SNCB: variants seen among roughly 807,000 people sequenced by gnomAD.
SNCB encodes beta-synuclein.
Under a neutral mutation model 20.0 loss-of-function variants are expected in SNCB, and 8 were observed. That is an observed-to-expected ratio of 0.40 (90% CI 0.24 to 0.72). The LOEUF (loss-of-function observed/expected upper bound fraction) is 0.72, where lower values mean the gene tolerates loss of function less well. Ranked by LOEUF, SNCB falls within the 30% of genes least tolerant of loss-of-function variation. The probability of loss-of-function intolerance (pLI) is 0.37; values close to 1 mark genes in which losing one functional copy is unlikely to be tolerated. For missense variants in SNCB, 125 were observed against 168.0 expected, an observed-to-expected ratio of 0.74 and a Z score of 1.41; for synonymous variants, 56 against 65.4, an observed-to-expected ratio of 0.86 and a Z score of 0.69.
chr5:176,622,246 A>C (rs141782406), intron 4 of SNCB, among the ~76,000 whole-genome samples: 1 of 152,356 alleles, frequency 6.6e-6, no homozygotes, highest in Non-Finnish European at 1.5e-5. Flanking sequence ...GCGTATGCCA[A>C]GGCCCAGGAG....
intron 1 of SNCB, chr5:176,630,049 ACGCTCCAACG>A (rs916843009): frequency 7.3e-5 from 12 of 165,290 alleles, no homozygotes; most frequent in Admixed American, 2.5e-4. Flanking sequence ...GGACACGCAG[ACGCTCCAACG>A]CGCACGAATA....
intron 4 of SNCB, among the ~76,000 whole-genome samples, chr5:176,625,961 G>A (rs946008933): frequency 4.6e-5 from 7 of 152,156 alleles, no homozygotes; most frequent in African/African-American, 1.7e-4. Flanking sequence ...CCTGCCTGCT[G>A]GCTTGCGTTT....
chr5:176,621,232 A>G lies in SNCB; in HGVS notation c.354T>C (p.Ser118=), dbSNP rs1365169313. ...CCCTCACCTGGGGTGGGTCCTCATA[A>G]CTCTCCCCTTCTGGCTCCATCAGGG... ...IEPLMEPEGE[S]YEDPPQEEYQ... Residue 118 remains serine, a synonymous_variant, in exon 5 of 6, where the codon AGT becomes AGC. Coordinates refer to ENST00000393693, the MANE Select transcript of SNCB (RefSeq NM_003085.5). This position sits in a 1 kb window ranked among gnomAD's most constrained non-coding sequence, Gnocchi z 4.1. 1 of 1,612,750 alleles carries G rather than the reference A, an allele frequency of 6.2e-7. No individual in the cohort carries two copies. Among genetic ancestry groups the G allele is most frequent in the Admixed American group, 1.7e-5 (1 of 59,896 alleles).
chr5:176,627,427 A>C (rs1442316799), intron 2 of SNCB, among the ~76,000 whole-genome samples: 1 of 152,192 alleles, frequency 6.6e-6, no homozygotes, highest in Admixed American at 6.5e-5. Flanking sequence ...GGTGGGTCTA[A>C]AGGTGATGTG....
At position 176,629,800 on chromosome 5, in the gene SNCB, C is replaced by A; in HGVS notation, c.-9-137G>T. 8.2e-7 allele frequency: 1 copy of A among 1,216,486 alleles called. No homozygotes were observed. Among genetic ancestry groups the A allele is most frequent in the Non-Finnish European group, 1.1e-6 (1 of 892,828 alleles). 75.4% of individuals were successfully genotyped at this position (1,216,486 alleles called of 1,614,324 possible). A position where few individuals can be genotyped will look rare whatever the true frequency, so the allele number is the denominator to read the frequency against. ...CCCTGAGCCCCCTCCCGCTTTCCCC[C>A]CATCCCACCCCACTCCCCAGTGCGA... is the stretch of plus-strand genomic sequence containing the variant. On this transcript the variant is annotated intron_variant, in intron 1 of 5. Coordinates refer to ENST00000393693, the MANE Select transcript of SNCB (RefSeq NM_003085.5). The surrounding 1 kb of genome is among the most constrained non-coding windows in gnomAD (Gnocchi z 4.1).
chr5:176,628,194 C>A (rs1353965805), intron 2 of SNCB, among the ~76,000 whole-genome samples: 1 of 152,086 alleles, frequency 6.6e-6, no homozygotes, highest in African/African-American at 2.4e-5. Context: ...GCAGGAAGTG[C>A]CAATCTAAGG....
chr5:176,629,675 G>A lies in SNCB; in HGVS notation c.-9-12C>T. ...TCCATCCTGGCGGCCTGGGGAGGGC[G>A]ATACACGGGCACCGGTGCACTGGCC... On this transcript the variant is annotated splice_polypyrimidine_tract_variant and intron_variant, in intron 1 of 5. Coordinates refer to ENST00000393693, the MANE Select transcript of SNCB (RefSeq NM_003085.5). This position sits in a 1 kb window ranked among gnomAD's most constrained non-coding sequence, Gnocchi z 4.1. 3 of 1,611,590 alleles carry A rather than the reference G, an allele frequency of 1.9e-6. No individual in the cohort carries two copies. Among genetic ancestry groups the A allele is most frequent in the East Asian group, 2.2e-5 (1 of 44,810 alleles).
Position 176,629,062 on chromosome 5 carries a change from G to A in SNCB, c.121+472C>T, listed in dbSNP as rs1020169760. On this transcript the variant is annotated intron_variant, in intron 2 of 5. Transcript: ENST00000393693. The surrounding 1 kb of genome is among the most constrained non-coding windows in gnomAD (Gnocchi z 4.1). ...GGGGCTTCAGAATCTATAAAGCTCC[G>A]TTCAAACCCCAGCTTCAGCATTTAC... Among the ~76,000 whole-genome samples, 3 of 152,136 alleles carry A rather than the reference G, an allele frequency of 2.0e-5. No individual in the cohort carries two copies. Among genetic ancestry groups the A allele is most frequent in the Non-Finnish European group, 4.4e-5 (3 of 68,010 alleles).
intron 2 of SNCB, among the ~76,000 whole-genome samples, chr5:176,627,726 G>A (rs1039385176): frequency 2.6e-5 from 4 of 152,260 alleles, no homozygotes; most frequent in African/African-American, 9.6e-5. Flanking sequence ...CCAGCACCCA[G>A]AGACAGGAGG....
In SNCB at chr5:176,620,627, G is replaced by A. The variant is rs927745116; in HGVS notation, c.*184C>T. On this transcript the variant is annotated 3_prime_UTR_variant, in exon 6 of 6. Transcript: ENST00000393693. The surrounding 1 kb of genome is among the most constrained non-coding windows in gnomAD (Gnocchi z 4.5). ...ACCCTGGCCCTGTCCATGCCCCGGG[G>A]TTGGACGCGGGCGGGTAGGACAGAC... is the stretch of plus-strand genomic sequence containing the variant. The A allele has an allele frequency of 8.0e-6, 5 of 627,056 alleles. No individual in the cohort carries two copies. The highest frequency in any genetic ancestry group is 1.4e-5 in the Non-Finnish European group (5 of 349,028). The allele number at this position is 627,056 out of a possible 1,614,324, so 38.8% of individuals were successfully genotyped here.
rs1759553057 is a variant in SNCB, at chr5:176,621,023, G to C, written c.373-180C>G. ...CAACAGAGAATTCTTGGGCAGGTGT[G>C]CCTGGGGCCCAGCGCTAGACCCTAT... is the stretch of plus-strand genomic sequence containing the variant. On this transcript the variant is annotated intron_variant, in intron 5 of 5. Coordinates refer to ENST00000393693, the MANE Select transcript of SNCB (RefSeq NM_003085.5). The surrounding 1 kb of genome is among the most constrained non-coding windows in gnomAD (Gnocchi z 4.1). 6.6e-6 allele frequency among the ~76,000 whole-genome samples: 1 copy of C among 152,164 alleles called. No homozygotes were observed. Among genetic ancestry groups the C allele is most frequent in the Non-Finnish European group, 1.5e-5 (1 of 68,022 alleles).
chr5:176,629,915 C>T lies in SNCB; in HGVS notation c.-9-252G>A. 1 of 467,274 alleles carries T rather than the reference C, an allele frequency of 2.1e-6. No homozygotes were observed. The highest frequency in any genetic ancestry group is 2.8e-5 in the South Asian group (1 of 35,850). The allele number at this position is 467,274 out of a possible 1,614,324, so 28.9% of individuals were successfully genotyped here. On this transcript the variant is annotated intron_variant, in intron 1 of 5. Coordinates refer to ENST00000393693, the MANE Select transcript of SNCB (RefSeq NM_003085.5). This position sits in a 1 kb window ranked among gnomAD's most constrained non-coding sequence, Gnocchi z 4.1. ...TCGGTTATCCGGGCCCTGCAAACTG[C>T]AGCCCCGTCGAACCGGAGTGCTGGG...
Position 176,629,478 on chromosome 5 carries a change from C to CACACTGTCGGGGGACCCCCAGCCCT in SNCB, c.121+31_121+55dup. 6.3e-7 allele frequency: 1 copy of CACACTGTCGGGGGACCCCCAGCCCT among 1,594,414 alleles called. No homozygotes were observed. Among genetic ancestry groups the CACACTGTCGGGGGACCCCCAGCCCT allele is most frequent in the South Asian group, 1.1e-5 (1 of 89,456 alleles). On this transcript the variant is annotated intron_variant, in intron 2 of 5. Transcript: ENST00000393693. The surrounding 1 kb of genome is among the most constrained non-coding windows in gnomAD (Gnocchi z 4.1). ...CCTCCCCGGGACCCGGCCCCAGCTC[C>CACACTGTCGGGGGACCCCCAGCCCT]ACACTGTCGGGGGACCCCCAGCCCT...
chr5:176,629,523 C>T lies in SNCB; in HGVS notation c.121+11G>A, dbSNP rs779804234. ...AGCCCTGCAGCCCCAGAAACCCCGCCCCTTACCCACCGACGTAGAGGACGC... is the reference window on the plus strand; with the variant it reads ...AGCCCTGCAGCCCCAGAAACCCCGCTCCTTACCCACCGACGTAGAGGACGC... On this transcript the variant is annotated intron_variant, in intron 2 of 5. Coordinates refer to ENST00000393693, the MANE Select transcript of SNCB (RefSeq NM_003085.5). The surrounding 1 kb of genome is among the most constrained non-coding windows in gnomAD (Gnocchi z 4.1). 3 of 1,612,710 alleles carry T rather than the reference C, an allele frequency of 1.9e-6. No homozygotes were observed. In the Admixed American group the frequency reaches 5.0e-5, roughly 27 times the overall value.
Position 176,626,571 on chromosome 5 carries a change from T to C in SNCB, c.164-55A>G, listed in dbSNP as rs2113402068. 6.6e-7 allele frequency: 1 copy of C among 1,519,232 alleles called. No homozygotes were observed. The highest frequency in any genetic ancestry group is 9.1e-7 in the Non-Finnish European group (1 of 1,093,626). 94.1% of individuals were successfully genotyped at this position (1,519,232 alleles called of 1,614,324 possible). A position where few individuals can be genotyped will look rare whatever the true frequency, so the allele number is the denominator to read the frequency against. ...TTTGGGAGCCAGGGGGAAACACCGATGCCCTGCCTTGTAGTATCCCAGGGC... is the reference window on the plus strand; with the variant it reads ...TTTGGGAGCCAGGGGGAAACACCGACGCCCTGCCTTGTAGTATCCCAGGGC... On this transcript the variant is annotated intron_variant, in intron 3 of 5. Coordinates refer to ENST00000393693, the MANE Select transcript of SNCB (RefSeq NM_003085.5). This position sits in a 1 kb window ranked among gnomAD's most constrained non-coding sequence, Gnocchi z 4.2.
rs1759540166 is a variant in SNCB, at chr5:176,620,858, T to G, written c.373-15A>C. ...TGATATTCCTCCTGCATCACCGGGA[T>G]GGGGGTGGAGTAGAGAAGAGCAAAA... On this transcript the variant is annotated splice_polypyrimidine_tract_variant and intron_variant, in intron 5 of 5. Coordinates refer to ENST00000393693, the MANE Select transcript of SNCB (RefSeq NM_003085.5). This position sits in a 1 kb window ranked among gnomAD's most constrained non-coding sequence, Gnocchi z 4.5. 6.2e-7 allele frequency: 1 copy of G among 1,612,612 alleles called. No homozygotes were observed. Among genetic ancestry groups the G allele is most frequent in the Non-Finnish European group, 8.5e-7 (1 of 1,179,010 alleles).
At chr5:176,623,317 G>T (rs1362925766) in intron 4 of SNCB, among the ~76,000 whole-genome samples, 1 of 152,130 alleles carries the variant, frequency 6.6e-6, no homozygotes, top group African/African-American at 2.4e-5. Flanking sequence ...AACCCAGGAG[G>T]TGAAGGTTTC....
In SNCB at chr5:176,628,376, C is replaced by T. The variant is rs368690728; in HGVS notation, c.121+1158G>A. 7.2e-5 allele frequency among the ~76,000 whole-genome samples: 11 copies of T among 152,294 alleles called. No homozygotes were observed. In the East Asian group the frequency reaches 9.6e-4, roughly 13 times the overall value. On this transcript the variant is annotated intron_variant, in intron 2 of 5. Coordinates refer to ENST00000393693, the MANE Select transcript of SNCB (RefSeq NM_003085.5). ...TCCCGGTCTCCATTGCCACCACCCTCGCCCCTGCCACCCTCATCCTGTGGC... is the reference window on the plus strand; with the variant it reads ...TCCCGGTCTCCATTGCCACCACCCTTGCCCCTGCCACCCTCATCCTGTGGC...
In SNCB at chr5:176,629,853, G is replaced by A; in HGVS notation, c.-9-190C>T. The A allele has an allele frequency of 1.3e-6, 1 of 743,264 alleles. No individual in the cohort carries two copies. The allele number at this position is 743,264 out of a possible 1,614,324, so 46.0% of individuals were successfully genotyped here. ...CCTCAGGGCCGCGGAGAGTCCTAGC[G>A]TCCTTGAAACCTGGGGACGCGGGAG... On this transcript the variant is annotated intron_variant, in intron 1 of 5. Transcript: ENST00000393693. This position sits in a 1 kb window ranked among gnomAD's most constrained non-coding sequence, Gnocchi z 4.1.
Sources: allele counts gnomAD v4.1 joint callset (sites outside exome capture counted in the v4.1 genomes callset), GRCh38; gene constraint gnomAD v4.1.1; non-coding constraint Gnocchi (gnomAD v3.1); transcripts MANE v1.5; gene names NCBI Gene and HGNC (gene_info 2026-07-23, HGNC 2026-07-21).